ESR2: variants seen among roughly 807,000 people sequenced by gnomAD.
The protein encoded by ESR2 is estrogen receptor 2, also known as estrogen receptor beta.
ESR2 carries 36 observed loss-of-function variants against 49.6 expected under a neutral mutation model. The ratio of observed to expected loss-of-function variants is 0.73; its 90% CI spans 0.56 to 0.96. The LOEUF is 0.96. Among genes scored for constraint, ESR2 ranks in the 40% least tolerant of loss-of-function variants. ESR2 has a pLI of 0.00. For missense variants in ESR2, 714 were observed against 693.0 expected, an observed-to-expected ratio of 1.03 and a Z score of -0.34; for synonymous variants, 320 against 266.1, an observed-to-expected ratio of 1.20 and a Z score of -1.97.
upstream of ESR2, chr14:64,338,175 G>A (rs1297855699): frequency 6.4e-6 from 1 of 155,126 alleles, no homozygotes; most frequent in Non-Finnish European, 1.5e-5. Context: ...GGACGTGCGG[G>A]TGACAAAATC....
chr14:64,305,335 A>G (rs949869750), intron 1 of ESR2, among the ~76,000 whole-genome samples: 11 of 151,084 alleles, frequency 7.3e-5, no homozygotes, highest in African/African-American at 2.7e-4. Context: ...ATTTTAAAAT[A>G]TCAAGATTTT....
At chr14:64,263,432 G>A (rs1425524209) in intron 4 of ESR2, among the ~76,000 whole-genome samples, 1 of 152,126 alleles carries the variant, frequency 6.6e-6, no homozygotes, top group Non-Finnish European at 1.5e-5. Context: ...CAAGGTGGGC[G>A]GATCACCTGA....
intron 1 of ESR2, among the ~76,000 whole-genome samples, chr14:64,328,378 C>T (rs2077414935): frequency 6.6e-6 from 1 of 151,848 alleles, no homozygotes; most frequent in Non-Finnish European, 1.5e-5. Flanking sequence ...GAAATTGCAC[C>T]ACTGCACTCC....
At chr14:64,280,502 AC>A (rs1174710995) in intron 2 of ESR2, among the ~76,000 whole-genome samples, 1 of 152,178 alleles carries the variant, frequency 6.6e-6, no homozygotes, top group Non-Finnish European at 1.5e-5. Context: ...AATCTTACCC[AC>A]AGGTCTGAAC....
chr14:64,320,046 T>C (rs1450622330), intron 1 of ESR2, among the ~76,000 whole-genome samples: 1 of 151,878 alleles, frequency 6.6e-6, no homozygotes, highest in Non-Finnish European at 1.5e-5. Flanking sequence ...TACCATTAGG[T>C]AAATGGAAAG....
intron 7 of ESR2, among the ~76,000 whole-genome samples, chr14:64,246,717 A>G (rs2075863085): frequency 8.1e-6 from 1 of 123,978 alleles, no homozygotes; most frequent in Admixed American, 9.5e-5. Flanking sequence ...AGCCTGGCCA[A>G]CACAGGAAGA....
upstream of ESR2, among the ~76,000 whole-genome samples, chr14:64,295,066 G>T (rs1359607707): frequency 2.6e-5 from 4 of 152,206 alleles, no homozygotes; most frequent in Non-Finnish European, 5.9e-5. Flanking sequence ...GCTTAATGGG[G>T]TGTTCCCCTC....
intron 4 of ESR2, among the ~76,000 whole-genome samples, 162 bp from the exon 5 acceptor site, chr14:64,260,910 T>C (rs1205936361): frequency 6.6e-6 from 1 of 152,220 alleles, no homozygotes; most frequent in Non-Finnish European, 1.5e-5. Flanking sequence ...AGAAACTTTT[T>C]AGGTCTCCAT....
intron 3 of ESR2, among the ~76,000 whole-genome samples, chr14:64,274,354 G>T (rs1390840379): frequency 6.6e-6 from 1 of 151,994 alleles, no homozygotes; most frequent in East Asian, 1.9e-4. Context: ...TGTGGTCTAG[G>T]AATTTATCCA....
At chr14:64,288,986 C>CA (rs35178946) in intron 1 of ESR2, among the ~76,000 whole-genome samples, 1,884 of 55,170 alleles carry the variant, frequency 0.034, 31 homozygotes, top group African/African-American at 0.064. Flanking sequence ...AACTCTGTCT[C>CA]AAAAAAAAAA....
At chr14:64,295,925 T>G (rs1022007265), upstream of ESR2, among the ~76,000 whole-genome samples, 3 of 151,016 alleles carry the variant, frequency 2.0e-5, no homozygotes, top group Non-Finnish European at 2.9e-5. Context: ...ATGCCAGTAA[T>G]CCCAGCTACT....
At chr14:64,315,602 G>A (rs2140888043) in intron 1 of ESR2, among the ~76,000 whole-genome samples, 1 of 151,158 alleles carries the variant, frequency 6.6e-6, no homozygotes, top group South Asian at 2.1e-4. Flanking sequence ...AGCCTCCTGA[G>A]TAGCTGGGAC....
intron 5 of ESR2, among the ~76,000 whole-genome samples, chr14:64,259,136 T>C (rs1004755375): frequency 6.6e-6 from 1 of 152,224 alleles, no homozygotes; most frequent in African/African-American, 2.4e-5. Context: ...GCATCAGTAT[T>C]GCCTCCCCTG....
At chr14:64,285,218 T>G (rs1201435039) in intron 1 of ESR2, among the ~76,000 whole-genome samples, 3 of 152,150 alleles carry the variant, frequency 2.0e-5, no homozygotes, top group African/African-American at 7.2e-5. Flanking sequence ...AGTTAGCTTC[T>G]CCTCCAGATC....
At position 64,232,275 on chromosome 14, in the gene ESR2, A is replaced by T. The variant is rs2140601497; in HGVS notation, c.*862T>A. 6.6e-6 allele frequency: 1 copy of T among 152,358 alleles called. No homozygotes were observed. Among genetic ancestry groups the T allele is most frequent in the East Asian group, 1.9e-4 (1 of 5,192 alleles). The allele number at this position is 152,358 out of a possible 1,614,324, so 9.4% of individuals were successfully genotyped here. A position where few individuals can be genotyped will look rare whatever the true frequency, so the allele number is the denominator to read the frequency against. On this transcript the variant is annotated 3_prime_UTR_variant, in exon 9 of 9. Coordinates refer to ENST00000341099, the MANE Select transcript of ESR2 (RefSeq NM_001437.3). ...ATGGAAACTGCATCCACATTGCCCC[A>T]GGGAAACACTGTGGCTGTCACCCAC... is the stretch of plus-strand genomic sequence containing the variant.
In ESR2 at chr14:64,229,327, G is replaced by A. The variant is rs189364516; in HGVS notation, c.*3810C>T. ...CCTGGGGCAGGAGCAATACTGGCCC[G>A]CTAGGCAAGCAGAAGACTTGCGTGC... On this transcript the variant is annotated 3_prime_UTR_variant, in exon 9 of 9. Transcript: ENST00000341099. Among the ~76,000 whole-genome samples, 5 of 152,192 alleles carry A rather than the reference G, an allele frequency of 3.3e-5. No homozygotes were observed. The South Asian group carries it at 6.2e-4, about 19-fold the overall frequency.
chr14:64,261,393 A>G (rs1369294337), intron 4 of ESR2, among the ~76,000 whole-genome samples: 3 of 151,320 alleles, frequency 2.0e-5, no homozygotes, highest in Non-Finnish European at 2.9e-5. Context: ...GCCTGCCACC[A>G]TATTTTTCCA....
At position 64,315,191 on chromosome 14, in the gene ESR2, C is replaced by A. The variant is rs566825192; in HGVS notation, c.-91+22707G>T. On this transcript the variant is annotated intron_variant, in intron 1 of 8. Transcript: ENST00000358599. ...CCTGGGAGGTGGAGGTTGTGGTAAG[C>A]CAAGATCGCACCACTGCACTCCAGC... Among the ~76,000 whole-genome samples, 7 of 145,974 alleles carry A rather than the reference C, an allele frequency of 4.8e-5. No individual in the cohort carries two copies. In the South Asian group the frequency reaches 1.5e-3, roughly 32 times the overall value.
At chr14:64,296,284 T>C (rs780912647), upstream of ESR2, among the ~76,000 whole-genome samples, 8 of 152,126 alleles carry the variant, frequency 5.3e-5, no homozygotes, top group Non-Finnish European at 7.4e-5. Context: ...TTGACTCCAC[T>C]TTTCCAGTGA....
Sources: allele counts gnomAD v4.1 joint callset (sites outside exome capture counted in the v4.1 genomes callset), GRCh38; gene constraint gnomAD v4.1.1; transcripts MANE v1.5; gene names NCBI Gene and HGNC (gene_info 2026-07-23, HGNC 2026-07-21).